Variants in MGAM observed in about 807,000 individuals in gnomAD.
MGAM encodes alpha-1,4-glucosidase.
MGAM carries 253 observed loss-of-function variants against 358.8 expected under a neutral mutation model. The ratio of observed to expected loss-of-function variants is 0.71; its 90% CI spans 0.64 to 0.78. MGAM has a LOEUF of 0.78. MGAM is among the 30% of genes least tolerant of loss of function. MGAM has a pLI of 0.00. For missense variants in MGAM, 3,080 were observed against 3,432.6 expected (o/e 0.90, Z 2.57); for synonymous variants, 1,105 against 1,227.1 (o/e 0.90, Z 2.08).
rs948119421 is a variant in MGAM at position 142,106,747 on chromosome 7, A to C, written c.*856A>C. On this transcript the variant is annotated 3_prime_UTR_variant, in exon 71 of 71. Transcript: ENST00000475668. Reference sequence around the variant, plus strand: ...AATAAAACAAGTGAATTTGCAAGTGATTTTGAATTTTGTGCTATTTTGACC... The same window carrying C: ...AATAAAACAAGTGAATTTGCAAGTGCTTTTGAATTTTGTGCTATTTTGACC... 3.3e-5 allele frequency: 5 copies of C among 152,326 alleles called. No homozygotes were observed. The highest frequency in any genetic ancestry group is 1.2e-4 in the African/African-American group (5 of 41,578). 9.4% of individuals were successfully genotyped at this position (152,326 alleles called of 1,614,324 possible).
rs561059778 is a variant in MGAM at position 142,030,931 on chromosome 7, C to G, written c.1470+174C>G. Reference sequence around the variant, plus strand: ...CCTTTCATGCCCAAGTGCAAGCCGGCCATCGTAGCTTTTTGATTCCCTTCA... The same window carrying G: ...CCTTTCATGCCCAAGTGCAAGCCGGGCATCGTAGCTTTTTGATTCCCTTCA... On this transcript the variant is annotated intron_variant, in intron 12 of 70. Coordinates refer to ENST00000475668, the MANE Select transcript of MGAM (RefSeq NM_001365693.1). Among the ~76,000 whole-genome samples, 16 of 152,146 alleles carry G rather than the reference C, an allele frequency of 1.1e-4. No individual in the cohort carries two copies. The East Asian group carries it at 3.1e-3, about 29-fold the overall frequency.
intron 21 of MGAM, among the ~76,000 whole-genome samples, chr7:142,045,244 A>ATAT (rs1810002749): frequency 2.1e-5 from 1 of 47,674 alleles, no homozygotes; most frequent in Non-Finnish European, 4.1e-5. Context: ...TATATCATAT[A>ATAT]ATATATGATA....
intron 31 of MGAM, among the ~76,000 whole-genome samples, chr7:142,058,820 A>G (rs1811815366): frequency 6.6e-6 from 1 of 152,256 alleles, no homozygotes; most frequent in East Asian, 1.9e-4. Flanking sequence ...TACATATGGA[A>G]AGAAACCTTA....
chr7:141,992,032 C>A (rs1298894810), upstream of MGAM, among the ~76,000 whole-genome samples: 1 of 152,060 alleles, frequency 6.6e-6, no homozygotes, highest in East Asian at 1.9e-4. Flanking sequence ...CTGCTATGTT[C>A]GGAATTCTGA....
At chr7:141,991,772 C>T (rs779383625), upstream of MGAM, among the ~76,000 whole-genome samples, 2 of 152,110 alleles carry the variant, frequency 1.3e-5, no homozygotes, top group Non-Finnish European at 2.9e-5. Context: ...CCAATCCTCA[C>T]GTTTGCATAG....
chr7:142,065,544 G>C lies in MGAM; in HGVS notation c.4619-44G>C, dbSNP rs771291228. On this transcript the variant is annotated intron_variant, in intron 38 of 70. Transcript: ENST00000475668. Reference sequence around the variant, plus strand: ...TCCTTAGGGAAGAGGTGAGGAGGCAGATCATGAGAGCCTGGTGTGACACAG... The same window carrying C: ...TCCTTAGGGAAGAGGTGAGGAGGCACATCATGAGAGCCTGGTGTGACACAG... The C allele has an allele frequency of 4.3e-6, 7 of 1,614,028 alleles. No homozygotes were observed. The East Asian group carries it at 1.1e-4, about 26-fold the overall frequency.
chr7:142,081,703 C>T lies in MGAM; in HGVS notation c.6003-339C>T, dbSNP rs1297362184. The stretch of plus-strand genomic sequence containing the variant: ...TGAGGTGAGATCCTCGTAGGAATAT[C>T]GCTTTGAGTGCTACGTAGAAAATGC... On this transcript the variant is annotated intron_variant, in intron 50 of 70. Transcript: ENST00000475668. 5.5e-5 allele frequency among the ~76,000 whole-genome samples: 8 copies of T among 145,424 alleles called. 1 individual carries two copies. Among genetic ancestry groups the T allele is most frequent in the African/African-American group, 2.0e-4 (8 of 40,988 alleles).
At chr7:142,041,328 A>T (rs1808514238) in intron 21 of MGAM, among the ~76,000 whole-genome samples, 1 of 152,058 alleles carries the variant, frequency 6.6e-6, no homozygotes, top group African/African-American at 2.4e-5. Flanking sequence ...ACTTGTCTTT[A>T]ATAGACCAGG....
In MGAM at chr7:142,029,929, C is replaced by T. The variant is rs142715157; in HGVS notation, c.1222-433C>T. On this transcript the variant is annotated intron_variant, in intron 10 of 70. Coordinates refer to ENST00000475668, the MANE Select transcript of MGAM (RefSeq NM_001365693.1). ...AAACAACAAAGATGTGGGGTAGAAG[C>T]GAAGTAACAAAATAAAATGTGGGGT... Among the ~76,000 whole-genome samples the T allele has an allele frequency of 4.5e-3, 682 of 152,162 alleles. 9 individuals carry two copies. The highest frequency in any genetic ancestry group is 0.015 in the African/African-American group (642 of 41,500).
chr7:142,080,771 A>G lies in MGAM; in HGVS notation c.5848-20A>G, dbSNP rs757079519. ...TTCAAGAGTAGTATTCTTGCCTAAA[A>G]TCGTTTTCCTCTGGCCTAGATTTAT... On this transcript the variant is annotated intron_variant, in intron 49 of 70. Transcript: ENST00000475668. 1.3e-6 allele frequency: 2 copies of G among 1,540,104 alleles called. No individual in the cohort carries two copies. Among genetic ancestry groups the G allele is most frequent in the Admixed American group, 3.5e-5 (2 of 57,042 alleles).
intron 57 of MGAM, among the ~76,000 whole-genome samples, chr7:142,088,755 A>G (rs201692863): frequency 0.058 from 3,385 of 58,160 alleles, 128 homozygotes; most frequent in Middle Eastern, 0.12. Flanking sequence ...CTGTCTATCT[A>G]TCTATCTATC....
chr7:142,001,431 C>T (rs913041451), intron 1 of MGAM, among the ~76,000 whole-genome samples: 8 of 152,020 alleles, frequency 5.3e-5, no homozygotes, highest in Admixed American at 2.0e-4. Flanking sequence ...AGAATGAGAC[C>T]GCAAGGAAAT....
intron 24 of MGAM, 128 bp downstream of exon 24, chr7:142,050,992 G>A: frequency 1.6e-6 from 2 of 1,220,386 alleles, no homozygotes; most frequent in Non-Finnish European, 2.3e-6. Context: ...GGGGAAGTGA[G>A]AGGGCTGGGG....
intron 3 of MGAM, among the ~76,000 whole-genome samples, chr7:142,016,565 C>G (rs1448381982): frequency 1.3e-5 from 2 of 152,040 alleles, no homozygotes; most frequent in Non-Finnish European, 2.9e-5. Context: ...TACTTAAAGT[C>G]TATTTGCCTG....
At chr7:142,050,675 C>T in intron 23 of MGAM, 22 bp from the exon 24 acceptor site, 15 of 1,607,590 alleles carry the variant, frequency 9.3e-6, no homozygotes, top group Non-Finnish European at 1.3e-5. Context: ...TTTATGCATA[C>T]TTGGACTTAA....
In MGAM at chr7:142,092,902, C is replaced by T. The variant is rs150256184; in HGVS notation, c.7033+294C>T. ...TTAGTTTTTTAGGCTTATGTGAATT[C>T]CATCACAGGAATTTTTTGGTGTCAT... On this transcript the variant is annotated intron_variant, in intron 59 of 70. Transcript: ENST00000475668. 4.4e-4 allele frequency among the ~76,000 whole-genome samples: 64 copies of T among 146,644 alleles called. 1 individual carries two copies. Among genetic ancestry groups the T allele is most frequent in the African/African-American group, 1.5e-3 (62 of 41,256 alleles).
chr7:142,063,287 G>A (rs1342007602), intron 35 of MGAM, among the ~76,000 whole-genome samples: 1 of 151,736 alleles, frequency 6.6e-6, no homozygotes, highest in African/African-American at 2.4e-5. Flanking sequence ...CACCCTGAAA[G>A]AGATCTATTT....
chr7:142,041,278 G>T (rs1808505866), intron 21 of MGAM, among the ~76,000 whole-genome samples: 3 of 151,974 alleles, frequency 2.0e-5, no homozygotes, highest in Admixed American at 2.0e-4. Flanking sequence ...TACTAAAGAG[G>T]TGCACATTTA....
chr7:142,063,152 C>T (rs539268982), intron 35 of MGAM, among the ~76,000 whole-genome samples: 14 of 152,068 alleles, frequency 9.2e-5, no homozygotes, highest in African/African-American at 2.7e-4. Context: ...GAGCCAGGAT[C>T]GCACCATTGC....
Sources: allele counts gnomAD v4.1 joint callset (sites outside exome capture counted in the v4.1 genomes callset), GRCh38; gene constraint gnomAD v4.1.1; transcripts MANE v1.5; gene names NCBI Gene and HGNC (gene_info 2026-07-23, HGNC 2026-07-21).